DOCK3: variants seen among roughly 807,000 people sequenced by gnomAD.
The protein encoded by DOCK3 is dedicator of cytokinesis protein 3.
Under a neutral mutation model 265.6 loss-of-function variants are expected in DOCK3, and 60 were observed. That is an observed-to-expected ratio of 0.23 (90% CI 0.18 to 0.28). The LOEUF (loss-of-function observed/expected upper bound fraction) is 0.28, where lower values mean the gene tolerates loss of function less well. DOCK3 is among the 10% of genes least tolerant of loss of function. The pLI, the probability that DOCK3 is intolerant of heterozygous loss-of-function variation, is 1.00. For synonymous variants in DOCK3, 881 were observed against 938.0 expected (o/e 0.94, Z 1.11); for missense variants, 1,981 against 2,594.3 (o/e 0.76, Z 5.14).
intron 5 of DOCK3, among the ~76,000 whole-genome samples, chr3:51,003,927 G>C (rs2078572189): frequency 6.6e-6 from 1 of 152,164 alleles, no homozygotes. Context: ...CAACAAAACA[G>C]CCTACCTTCC....
intron 51 of DOCK3, among the ~76,000 whole-genome samples, chr3:51,377,870 TC>T (rs1193962690): frequency 6.6e-6 from 1 of 152,356 alleles, no homozygotes; most frequent in East Asian, 1.9e-4. Context: ...GCATCTGAGA[TC>T]CTGGGCTGTC....
chr3:50,885,382 G>A (rs199794777), intron 3 of DOCK3, among the ~76,000 whole-genome samples: 21 of 69,566 alleles, frequency 3.0e-4, no homozygotes, highest in African/African-American at 1.1e-3. Context: ...TTTTTTTTTT[G>A]TATGGGCATC....
At chr3:50,819,967 A>G (rs1391490368) in intron 2 of DOCK3, among the ~76,000 whole-genome samples, 1 of 152,150 alleles carries the variant, frequency 6.6e-6, no homozygotes, top group Non-Finnish European at 1.5e-5. Context: ...GTCTCAAAAT[A>G]AAAAACAACA....
intron 3 of DOCK3, among the ~76,000 whole-genome samples, chr3:50,884,519 G>T (rs2048230140): frequency 6.6e-6 from 1 of 152,176 alleles, no homozygotes; most frequent in African/African-American, 2.4e-5. Context: ...AAAATCTGCT[G>T]ATAATTCAGA....
At chr3:51,341,112 TC>T in intron 37 of DOCK3, 124 bp from the exon 38 acceptor site, 4 of 1,198,222 alleles carry the variant, frequency 3.3e-6, no homozygotes, top group Non-Finnish European at 4.5e-6. Flanking sequence ...GTATCCAGTG[TC>T]CCCGACCTGG....
chr3:50,802,554 A>G (rs2043128097), intron 2 of DOCK3, among the ~76,000 whole-genome samples: 1 of 152,038 alleles, frequency 6.6e-6, no homozygotes, highest in South Asian at 2.1e-4. Context: ...CCTCATTGCC[A>G]TTTTTAATTT....
chr3:50,839,870 G>A (rs1173869907), intron 2 of DOCK3, among the ~76,000 whole-genome samples: 1 of 150,812 alleles, frequency 6.6e-6, no homozygotes, highest in Admixed American at 6.6e-5. Context: ...CTGGGTTCAA[G>A]CAATTCTCCT....
intron 2 of DOCK3, among the ~76,000 whole-genome samples, chr3:50,827,970 G>T (rs1384276096): frequency 2.0e-5 from 3 of 150,306 alleles, no homozygotes; most frequent in Non-Finnish European, 4.4e-5. Flanking sequence ...TTTTGAGATG[G>T]AGTCTTGCTC....
At chr3:51,159,057 TC>T (rs1031118206) in intron 10 of DOCK3, among the ~76,000 whole-genome samples, 186 bp from the exon 11 acceptor site, 135 of 152,304 alleles carry the variant, frequency 8.9e-4, no homozygotes, top group African/African-American at 3.2e-3. Context: ...AGAATAAACT[TC>T]CAAAGCCATA....
chr3:50,908,846 C>G (rs1033151473), intron 4 of DOCK3, among the ~76,000 whole-genome samples: 1 of 152,052 alleles, frequency 6.6e-6, no homozygotes, highest in Admixed American at 6.5e-5. Context: ...TTGTGGGAGT[C>G]TAAGTCTCTT....
At chr3:50,696,974 A>G (rs1044511310) in intron 1 of DOCK3, among the ~76,000 whole-genome samples, 1 of 149,136 alleles carries the variant, frequency 6.7e-6, no homozygotes, top group African/African-American at 2.5e-5. Flanking sequence ...TCTGTTGCTC[A>G]GGCTGGCATG....
intron 4 of DOCK3, among the ~76,000 whole-genome samples, chr3:50,909,484 C>T (rs2049739811): frequency 6.6e-6 from 1 of 151,942 alleles, no homozygotes; most frequent in East Asian, 1.9e-4. Flanking sequence ...CTTAGTTTGG[C>T]CAGATGTGAA....
intron 1 of DOCK3, among the ~76,000 whole-genome samples, chr3:50,743,893 T>C (rs1027354723): frequency 6.6e-6 from 1 of 152,224 alleles, no homozygotes; most frequent in Non-Finnish European, 1.5e-5. Context: ...CCATTTCACA[T>C]TCCCACCAGC....
rs563151179 is a variant in DOCK3, at chr3:50,852,255, T to C, written c.162+10540T>C. ...TTAAAGCTCAGAGAGTTGATCTTTATGCATGATCTTGCTGTTTCCAAATGG... is the reference window on the plus strand; with the variant it reads ...TTAAAGCTCAGAGAGTTGATCTTTACGCATGATCTTGCTGTTTCCAAATGG... On this transcript the variant is annotated intron_variant, in intron 3 of 52. Coordinates refer to ENST00000266037, the MANE Select transcript of DOCK3 (RefSeq NM_004947.5). Among the ~76,000 whole-genome samples the C allele has an allele frequency of 3.3e-5, 5 of 152,368 alleles. No homozygotes were observed. The South Asian group carries it at 1.0e-3, about 32-fold the overall frequency.
rs766284254 is a variant in DOCK3 at position 51,025,702 on chromosome 3, C to T, written c.316-38746C>T. Reference sequence around the variant, plus strand: ...ACCCTGTGAATTCTCCCTCGTTGACCGACTTCCCCAAGGGCTCCTGTGAGA... The same window carrying T: ...ACCCTGTGAATTCTCCCTCGTTGACTGACTTCCCCAAGGGCTCCTGTGAGA... On this transcript the variant is annotated intron_variant, in intron 5 of 52. Transcript: ENST00000266037. Among the ~76,000 whole-genome samples the T allele has an allele frequency of 4.6e-5, 7 of 152,170 alleles. No homozygotes were observed. In the East Asian group the frequency reaches 9.6e-4, roughly 21 times the overall value.
intron 23 of DOCK3, among the ~76,000 whole-genome samples, chr3:51,270,197 A>G (rs977291803): frequency 6.6e-6 from 1 of 152,250 alleles, no homozygotes; most frequent in Non-Finnish European, 1.5e-5. Context: ...TTTATGGCTA[A>G]CTAAATACAC....
chr3:50,685,354 A>G (rs554238249), intron 1 of DOCK3, among the ~76,000 whole-genome samples: 5 of 152,232 alleles, frequency 3.3e-5, no homozygotes, highest in Admixed American at 2.6e-4. Context: ...AAATTGATAC[A>G]TGCTTGAGAG....
At chr3:51,260,348 T>G in intron 23 of DOCK3, 22 bp downstream of exon 23, 3 of 1,583,678 alleles carry the variant, frequency 1.9e-6, no homozygotes, top group Non-Finnish European at 2.6e-6. Context: ...GCAGGGAAGC[T>G]TTGATGCTGG....
At chr3:51,107,514 A>G (rs550202791) in intron 9 of DOCK3, among the ~76,000 whole-genome samples, 1 of 152,366 alleles carries the variant, frequency 6.6e-6, no homozygotes, top group African/African-American at 2.4e-5. Context: ...AGAAAAGAAC[A>G]TAACCAATCT....
Sources: allele counts gnomAD v4.1 joint callset (sites outside exome capture counted in the v4.1 genomes callset), GRCh38; gene constraint gnomAD v4.1.1; transcripts MANE v1.5; gene names NCBI Gene and HGNC (gene_info 2026-07-23, HGNC 2026-07-21).